Variants in MAGI2 observed in about 807,000 individuals in gnomAD.
MAGI2 encodes membrane associated guanylate kinase, WW and PDZ domain containing 2, also known as membrane-associated guanylate kinase, WW and PDZ domain-containing protein 2.
A neutral mutation model predicts 133.3 loss-of-function variants in MAGI2; 35 were observed. The observed-to-expected ratio is 0.26, with a 90% CI of 0.20 to 0.35. The LOEUF (loss-of-function observed/expected upper bound fraction) is 0.35, where lower values mean the gene tolerates loss of function less well. Ranked by LOEUF, MAGI2 falls within the 10% of genes least tolerant of loss-of-function variation. The probability of loss-of-function intolerance (pLI) is 1.00; values close to 1 mark genes in which losing one functional copy is unlikely to be tolerated. For synonymous variants in MAGI2, 729 were observed against 710.6 expected, an observed-to-expected ratio of 1.03 and a Z score of -0.41; for missense variants, 1,636 against 1,863.4, an observed-to-expected ratio of 0.88 and a Z score of 2.25.
At chr7:79,096,396 G>T (rs1817518864) in intron 1 of MAGI2, among the ~76,000 whole-genome samples, 1 of 152,146 alleles carries the variant, frequency 6.6e-6, no homozygotes, top group African/African-American at 2.4e-5. Flanking sequence ...AGTGCCTTGT[G>T]TACAGCTTCC....
chr7:79,384,487 C>G (rs1467798698), intron 1 of MAGI2, among the ~76,000 whole-genome samples: 1 of 151,386 alleles, frequency 6.6e-6, no homozygotes, highest in Non-Finnish European at 1.5e-5. Flanking sequence ...TGCTATATAA[C>G]TTTTTCCATT....
chr7:78,160,091 C>G lies in MAGI2; in HGVS notation c.2779G>C (p.Glu927Gln), dbSNP rs140816436. The G allele has an allele frequency of 4.1e-4, 655 of 1,609,696 alleles. No individual in the cohort carries two copies. Among genetic ancestry groups the G allele is most frequent in the Non-Finnish European group, 5.2e-4 (615 of 1,177,582 alleles). Reference protein sequence around the residue: ...QTSDVVIHRKENEGFGFVIIS... With the variant: ...QTSDVVIHRKQNEGFGFVIIS... ...ATGACAAAGCCGAAGCCCTCATTCTCTTTGCGGTGAATGACCACATCACTG... is the reference window on the plus strand; with the variant it reads ...ATGACAAAGCCGAAGCCCTCATTCTGTTTGCGGTGAATGACCACATCACTG... Residue 927 changes from glutamate (E) to glutamine (Q), a missense_variant, in exon 16 of 22, where the codon GAG (glutamate) becomes CAG (glutamine). Physicochemically the swap from Glu to Gln is conservative, Grantham distance 29. Transcript: ENST00000354212.
At chr7:79,048,676 A>C (rs1812392567) in intron 1 of MAGI2, among the ~76,000 whole-genome samples, 1 of 152,212 alleles carries the variant, frequency 6.6e-6, no homozygotes, top group South Asian at 2.1e-4. Flanking sequence ...CATTAAGCTT[A>C]AGAATTATCT....
chr7:78,160,552 G>A (rs1824871831), intron 15 of MAGI2, among the ~76,000 whole-genome samples: 1 of 152,182 alleles, frequency 6.6e-6, no homozygotes, highest in African/African-American at 2.4e-5. Context: ...CATGAGGACT[G>A]CAAACCCCTG....
chr7:78,127,009 T>G (rs1028583976), intron 19 of MAGI2, among the ~76,000 whole-genome samples, 188 bp downstream of exon 19: 2 of 152,250 alleles, frequency 1.3e-5, no homozygotes, highest in Non-Finnish European at 2.9e-5. Flanking sequence ...TGCTTTATTC[T>G]GAAATAGATT....
intron 3 of MAGI2, among the ~76,000 whole-genome samples, chr7:78,530,295 A>C (rs931659171): frequency 4.6e-5 from 7 of 152,242 alleles, no homozygotes; most frequent in Non-Finnish European, 8.8e-5. Flanking sequence ...AATGTTATTA[A>C]GCATCTAGCA....
At chr7:78,247,378 T>G (rs949309673) in intron 10 of MAGI2, among the ~76,000 whole-genome samples, 18 of 152,140 alleles carry the variant, frequency 1.2e-4, no homozygotes, top group African/African-American at 3.9e-4. Context: ...GCCGGCATAC[T>G]AAGACTTGTT....
intron 21 of MAGI2, among the ~76,000 whole-genome samples, chr7:78,063,608 T>C (rs1813511887): frequency 6.6e-6 from 1 of 152,144 alleles, no homozygotes; most frequent in African/African-American, 2.4e-5. Context: ...TAGCCTATGT[T>C]ATAGCTGTTC....
At chr7:78,194,084 C>T (rs980073869) in intron 12 of MAGI2, among the ~76,000 whole-genome samples, 6 of 152,118 alleles carry the variant, frequency 3.9e-5, no homozygotes, top group African/African-American at 7.2e-5. Context: ...GTAATGGGAG[C>T]GCCAGGGACC....
intron 9 of MAGI2, among the ~76,000 whole-genome samples, chr7:78,277,375 C>T (rs1221521303): frequency 6.6e-6 from 1 of 152,056 alleles, no homozygotes; most frequent in East Asian, 1.9e-4. Flanking sequence ...TTTGGAATAA[C>T]GTAGAAAATA....
chr7:78,483,020 T>C (rs1046831032), intron 6 of MAGI2, among the ~76,000 whole-genome samples: 37 of 151,314 alleles, frequency 2.4e-4, no homozygotes, highest in Non-Finnish European at 3.4e-4. Flanking sequence ...ATATTGTATA[T>C]ATGTACTTGT....
chr7:78,383,700 C>G (rs926171760), intron 6 of MAGI2, among the ~76,000 whole-genome samples: 52 of 151,938 alleles, frequency 3.4e-4, no homozygotes, highest in African/African-American at 1.2e-3. Flanking sequence ...AGAGTTTCCC[C>G]TAGGTTTCCT....
chr7:78,598,565 C>T (rs1157537248), intron 3 of MAGI2, among the ~76,000 whole-genome samples: 1 of 152,054 alleles, frequency 6.6e-6, no homozygotes, highest in Non-Finnish European at 1.5e-5. Flanking sequence ...GAAGGAACCC[C>T]AAAGGATTTT....
At chr7:78,458,976 A>G (rs1789668327) in intron 6 of MAGI2, among the ~76,000 whole-genome samples, 2 of 152,190 alleles carry the variant, frequency 1.3e-5, no homozygotes, top group Non-Finnish European at 1.5e-5. Flanking sequence ...AAAAATTCAA[A>G]TGTAAGAGCA....
At chr7:79,273,280 A>G (rs900192248) in intron 1 of MAGI2, among the ~76,000 whole-genome samples, 1 of 152,106 alleles carries the variant, frequency 6.6e-6, no homozygotes, top group Non-Finnish European at 1.5e-5. Flanking sequence ...TTTCAAAGAC[A>G]CTTAGCCAAT....
In MAGI2 at chr7:78,125,842, G is replaced by A; in HGVS notation, c.3424-5C>T. 1 of 1,613,634 alleles carries A rather than the reference G, an allele frequency of 6.2e-7. No individual in the cohort carries two copies. Among genetic ancestry groups the A allele is most frequent in the Non-Finnish European group, 8.5e-7 (1 of 1,179,796 alleles). On this transcript the variant is annotated splice_polypyrimidine_tract_variant and splice_region_variant and intron_variant, in intron 19 of 21. Transcript: ENST00000354212. ...CACAGTGAAATAATCAAAATCCTTT[G>A]GGGTTGGGGAGAAAATGGAATAAAT...
At chr7:78,534,692 T>G (rs74686970) in intron 3 of MAGI2, among the ~76,000 whole-genome samples, 2 of 152,198 alleles carry the variant, frequency 1.3e-5, no homozygotes, top group African/African-American at 2.4e-5. Context: ...GTAGAACTGA[T>G]AGCAGGTTTA....
intron 2 of MAGI2, among the ~76,000 whole-genome samples, chr7:78,704,591 C>T (rs1256752062): frequency 6.6e-6 from 1 of 152,000 alleles, no homozygotes; most frequent in Admixed American, 6.6e-5. Flanking sequence ...TATAGAGACA[C>T]ATGCATGCAC....
intron 6 of MAGI2, among the ~76,000 whole-genome samples, chr7:78,468,424 G>T (rs778929899): frequency 6.6e-6 from 1 of 151,978 alleles, no homozygotes; most frequent in Admixed American, 6.6e-5. Flanking sequence ...ATTATTCTAT[G>T]TGTGTATATC....
Sources: allele counts gnomAD v4.1 joint callset (sites outside exome capture counted in the v4.1 genomes callset), GRCh38; gene constraint gnomAD v4.1.1; transcripts MANE v1.5; gene names NCBI Gene and HGNC (gene_info 2026-07-23, HGNC 2026-07-21).